CORO2A: variants seen among roughly 807,000 people sequenced by gnomAD.
CORO2A encodes coronin 2A, also known as coronin-2A.
CORO2A carries 47 observed loss-of-function variants against 62.4 expected under a neutral mutation model. The ratio of observed to expected loss-of-function variants is 0.75; its 90% CI spans 0.60 to 0.96. The LOEUF (loss-of-function observed/expected upper bound fraction) is 0.96, where lower values mean the gene tolerates loss of function less well. CORO2A is among the 40% of genes least tolerant of loss of function. The pLI, the probability that CORO2A is intolerant of heterozygous loss-of-function variation, is 0.00. For missense variants in CORO2A, 610 were observed against 684.1 expected (o/e 0.89, Z 1.21); for synonymous variants, 273 against 268.9 (o/e 1.02, Z -0.15).
rs558846087 is a variant in CORO2A at position 98,123,774 on chromosome 9, G to C, written c.*1000C>G. 1.3e-5 allele frequency: 2 copies of C among 152,364 alleles called. No individual in the cohort carries two copies. Among genetic ancestry groups the C allele is most frequent in the African/African-American group, 4.8e-5 (2 of 41,542 alleles). 9.4% of individuals were successfully genotyped at this position (152,364 alleles called of 1,614,324 possible). A position where few individuals can be genotyped will look rare whatever the true frequency, so the allele number is the denominator to read the frequency against. ...AGGCTCAAGCGATTCTCCTGCCTCA[G>C]CCTCCCAAATAGCTGGGATTACAGG... On this transcript the variant is annotated 3_prime_UTR_variant, in exon 12 of 12. Transcript: ENST00000375077.
chr9:98,147,641 T>C (rs1313085499), intron 2 of CORO2A, among the ~76,000 whole-genome samples: 3 of 152,194 alleles, frequency 2.0e-5, no homozygotes, highest in Non-Finnish European at 4.4e-5. Context: ...AAATTGCAGA[T>C]AAACAACAAA....
At chr9:98,160,748 G>C (rs918147557) in intron 1 of CORO2A, among the ~76,000 whole-genome samples, 4 of 151,922 alleles carry the variant, frequency 2.6e-5, no homozygotes. Flanking sequence ...GTCTGTGGCA[G>C]CTGGTGATGC....
At chr9:98,146,913 T>A (rs1392752598) in intron 2 of CORO2A, among the ~76,000 whole-genome samples, 1 of 152,218 alleles carries the variant, frequency 6.6e-6, no homozygotes, top group African/African-American at 2.4e-5. Context: ...AAGGCCTGTC[T>A]GTGCAGGTAA....
chr9:98,129,639 C>A (rs1313821155), intron 8 of CORO2A, among the ~76,000 whole-genome samples, 155 bp downstream of exon 8: 2 of 152,226 alleles, frequency 1.3e-5, no homozygotes, highest in African/African-American at 2.4e-5. Context: ...AAGTACAGCC[C>A]CCACCAAGTC....
chr9:98,166,131 C>T (rs1275077804), intron 1 of CORO2A, among the ~76,000 whole-genome samples: 1 of 152,228 alleles, frequency 6.6e-6, no homozygotes, highest in African/African-American at 2.4e-5. Flanking sequence ...TATGGAGAAA[C>T]ATGTTAACAG....
At chr9:98,172,227 C>T (rs1461545235) in intron 1 of CORO2A, among the ~76,000 whole-genome samples, 2 of 146,640 alleles carry the variant, frequency 1.4e-5, no homozygotes, top group Admixed American at 6.8e-5. Flanking sequence ...CACCCCACTT[C>T]TGAGCTCAGC....
intron 1 of CORO2A, among the ~76,000 whole-genome samples, chr9:98,189,530 C>T (rs73503027): frequency 0.028 from 4,255 of 152,254 alleles, 194 homozygotes; most frequent in African/African-American, 0.097. Context: ...AATCTCCTTC[C>T]AATCTCGGCT....
chr9:98,165,961 T>C (rs10985266), intron 1 of CORO2A, among the ~76,000 whole-genome samples: 14,832 of 152,226 alleles, frequency 0.097, 982 homozygotes, highest in East Asian at 0.31. Flanking sequence ...GGGTTGGCAA[T>C]ACCTGAACCC....
At chr9:98,179,099 C>G (rs1828144937) in intron 1 of CORO2A, among the ~76,000 whole-genome samples, 1 of 152,216 alleles carries the variant, frequency 6.6e-6, no homozygotes, top group Admixed American at 6.5e-5. Context: ...TCTGAAGCCT[C>G]AGTTTCCTCA....
At chr9:98,160,177 A>G (rs1827864570) in intron 1 of CORO2A, among the ~76,000 whole-genome samples, 1 of 152,218 alleles carries the variant, frequency 6.6e-6, no homozygotes, top group African/African-American at 2.4e-5. Context: ...AGGAAGCTGC[A>G]CAGAATGTAG....
chr9:98,130,942 G>T lies in CORO2A; in HGVS notation c.870+13C>A, dbSNP rs759962538. On this transcript the variant is annotated intron_variant, in intron 7 of 11. Transcript: ENST00000375077. ...GGGTCCAGGAGGTCACCTCCCTCCC[G>T]TGCCAAGCCGACCTTCCCCACCACG... The T allele has an allele frequency of 6.2e-7, 1 of 1,609,894 alleles. No individual in the cohort carries two copies. The highest frequency in any genetic ancestry group is 8.5e-7 in the Non-Finnish European group (1 of 1,177,532).
At chr9:98,133,328 A>C (rs981776831) in intron 4 of CORO2A, 111 bp from the exon 5 acceptor site, 2 of 1,092,358 alleles carry the variant, frequency 1.8e-6, no homozygotes, top group African/African-American at 3.1e-5. Context: ...AGGGTGGCGC[A>C]GCTGGCAGCC....
intron 8 of CORO2A, among the ~76,000 whole-genome samples, chr9:98,129,188 T>A (rs1827370375): frequency 1.3e-5 from 2 of 152,206 alleles, no homozygotes; most frequent in Admixed American, 1.3e-4. Context: ...CCTCCCAAAG[T>A]GCTGGATTAG....
At chr9:98,128,745 AG>A in intron 8 of CORO2A, 26 bp from the exon 9 acceptor site, 1 of 1,601,398 alleles carries the variant, frequency 6.2e-7, no homozygotes. Context: ...GAGGGCCAAG[AG>A]GTTCTGGCTA....
At chr9:98,169,631 G>A (rs544894228) in intron 1 of CORO2A, among the ~76,000 whole-genome samples, 1 of 152,228 alleles carries the variant, frequency 6.6e-6, no homozygotes, top group African/African-American at 2.4e-5. Flanking sequence ...CTGAGTCTTT[G>A]ACCTCCTTCT....
intron 1 of CORO2A, among the ~76,000 whole-genome samples, chr9:98,175,164 C>T (rs1217277897): frequency 2.0e-5 from 3 of 152,130 alleles, no homozygotes; most frequent in Non-Finnish European, 4.4e-5. Context: ...TGCGGGATGG[C>T]CCTCCCTGTC....
intron 3 of CORO2A, among the ~76,000 whole-genome samples, chr9:98,136,094 C>T (rs187199932): frequency 2.0e-4 from 31 of 152,356 alleles, no homozygotes; most frequent in East Asian, 3.9e-4. Flanking sequence ...CCAACAGTCA[C>T]GTCCTGCCCT....
At position 98,123,020 on chromosome 9, in the gene CORO2A, G is replaced by C. The variant is rs1827263684; in HGVS notation, c.*1754C>G. 6.6e-6 allele frequency: 1 copy of C among 152,270 alleles called. No homozygotes were observed. Among genetic ancestry groups the C allele is most frequent in the Non-Finnish European group, 1.5e-5 (1 of 68,068 alleles). The allele number at this position is 152,270 out of a possible 1,614,324, so 9.4% of individuals were successfully genotyped here. On this transcript the variant is annotated 3_prime_UTR_variant, in exon 12 of 12. Transcript: ENST00000375077. ...GCAAACCCAGATCACCCCACAGGTA[G>C]TTTTCTCTTAGGTCAAGGTTTCAGG...
At chr9:98,174,030 C>T (rs3758261) in intron 1 of CORO2A, among the ~76,000 whole-genome samples, 14,689 of 151,966 alleles carry the variant, frequency 0.097, 966 homozygotes, top group East Asian at 0.3. Flanking sequence ...TTGCTTGAAC[C>T]TGGGAGGTGG....
Sources: allele counts gnomAD v4.1 joint callset (sites outside exome capture counted in the v4.1 genomes callset), GRCh38; gene constraint gnomAD v4.1.1; transcripts MANE v1.5; gene names NCBI Gene and HGNC (gene_info 2026-07-23, HGNC 2026-07-21).